The following SEMA3E variants were observed in gnomAD, a reference collection of about 807,000 sequenced individuals.
SEMA3E encodes semaphorin-3E.
In SEMA3E, 49 loss-of-function variants were observed where a neutral mutation model predicts 93.6. The observed-to-expected ratio is 0.52, with a 90% confidence interval of 0.42 to 0.66. The LOEUF is 0.66. Ranked by LOEUF, SEMA3E falls within the 30% of genes least tolerant of loss-of-function variation. SEMA3E has a pLI of 0.00. For missense variants in SEMA3E, 906 were observed against 964.8 expected (o/e 0.94, Z 0.81); for synonymous variants, 363 against 330.7 (o/e 1.10, Z -1.06).
chr7:83,536,620 A>G (rs1791414438), intron 1 of SEMA3E, among the ~76,000 whole-genome samples: 1 of 152,074 alleles, frequency 6.6e-6, no homozygotes, highest in Non-Finnish European at 1.5e-5. Flanking sequence ...TTGTTAAAAA[A>G]CACATCACAA....
At chr7:83,373,717 A>C (rs1004228576) in intron 16 of SEMA3E, among the ~76,000 whole-genome samples, 4 of 152,192 alleles carry the variant, frequency 2.6e-5, no homozygotes, top group African/African-American at 9.6e-5. Flanking sequence ...ACACGATATC[A>C]AAGGAGAAAT....
chr7:83,619,228 T>C (rs1159792748), intron 1 of SEMA3E, among the ~76,000 whole-genome samples: 1 of 151,844 alleles, frequency 6.6e-6, no homozygotes, highest in Non-Finnish European at 1.5e-5. Context: ...CCGGCCATTT[T>C]TCTAACATAC....
intron 4 of SEMA3E, among the ~76,000 whole-genome samples, chr7:83,425,635 T>A (rs1788754761): frequency 6.6e-6 from 1 of 152,216 alleles, no homozygotes; most frequent in Admixed American, 6.5e-5. Flanking sequence ...AGGTAATTAT[T>A]CACATTTTTA....
intron 1 of SEMA3E, among the ~76,000 whole-genome samples, chr7:83,530,174 T>C (rs2535364): frequency 0.85 from 128,695 of 152,084 alleles, 54,707 homozygotes; most frequent in South Asian, 0.95. Flanking sequence ...AGGTTCCTGC[T>C]ACTACTCTAA....
chr7:83,552,069 T>C (rs1791778667), intron 1 of SEMA3E, among the ~76,000 whole-genome samples: 1 of 152,184 alleles, frequency 6.6e-6, no homozygotes. Flanking sequence ...ACCATAGTTC[T>C]GACCCTGAAA....
At chr7:83,593,950 A>C (rs1052570859) in intron 1 of SEMA3E, among the ~76,000 whole-genome samples, 45 of 152,286 alleles carry the variant, frequency 3.0e-4, no homozygotes, top group African/African-American at 1.1e-3. Flanking sequence ...ATAATTGTTA[A>C]ACTATATTCA....
At position 83,408,446 on chromosome 7, in the gene SEMA3E, T is replaced by C. The variant is rs774873670; in HGVS notation, c.592A>G (p.Arg198Gly). ...ATGCTGCGGAAGATCGCAGCGTCTC[T>C]GCTCCAGTAGTCACTGTAGAGTCCA... Reference protein sequence around the residue: ...FAGLYSDYWSRDAAIFRSMGR... With the variant: ...FAGLYSDYWSGDAAIFRSMGR... The change falls in exon 6 of 17, where the codon AGA becomes GGA. Residue 198 changes from arginine to glycine, a missense_variant. By Grantham distance (125) the Arg-to-Gly change is moderately radical (BLOSUM62 -2). Transcript: ENST00000643230. 9 of 1,613,764 alleles carry C rather than the reference T, an allele frequency of 5.6e-6. No individual in the cohort carries two copies. In the South Asian group the frequency reaches 6.6e-5, roughly 12 times the overall value.
chr7:83,514,805 T>C (rs1013903604), intron 1 of SEMA3E, among the ~76,000 whole-genome samples: 12 of 152,084 alleles, frequency 7.9e-5, no homozygotes, highest in African/African-American at 2.4e-4. Context: ...AATGGAAATA[T>C]ATTGCTTTCA....
chr7:83,454,087 T>C (rs1192811226), intron 4 of SEMA3E, among the ~76,000 whole-genome samples: 12 of 150,650 alleles, frequency 8.0e-5, no homozygotes, highest in Admixed American at 3.3e-4. Flanking sequence ...TGAAAACCCG[T>C]CTCTACTAAA....
chr7:83,441,035 G>A (rs1457371366), intron 4 of SEMA3E, among the ~76,000 whole-genome samples: 1 of 152,034 alleles, frequency 6.6e-6, no homozygotes, highest in Non-Finnish European at 1.5e-5. Flanking sequence ...CTTACTGGAT[G>A]GCAAGATTAA....
intron 4 of SEMA3E, among the ~76,000 whole-genome samples, chr7:83,462,618 A>C (rs1789651692): frequency 6.6e-6 from 1 of 151,638 alleles, no homozygotes; most frequent in African/African-American, 2.4e-5. Context: ...ATCTCATTAA[A>C]ACCTAATCAC....
At chr7:83,640,013 T>A (rs566425686) in intron 1 of SEMA3E, among the ~76,000 whole-genome samples, 2 of 151,958 alleles carry the variant, frequency 1.3e-5, no homozygotes, top group Admixed American at 6.5e-5. Context: ...ATGCTGAGAG[T>A]ACATTTCCTA....
intron 4 of SEMA3E, among the ~76,000 whole-genome samples, chr7:83,457,328 T>C (rs1387190329): frequency 6.6e-6 from 1 of 152,254 alleles, no homozygotes; most frequent in East Asian, 1.9e-4. Context: ...AGCTCCAGAT[T>C]CATTCTTTCA....
chr7:83,590,427 G>A lies in SEMA3E; in HGVS notation c.115+58001C>T, dbSNP rs57549112. Reference sequence around the variant, plus strand: ...GGAAATATTAGGTTGCCTAAAGCAAGGCATTGCCCTGTCCTTTCTTGATGA... The same window carrying A: ...GGAAATATTAGGTTGCCTAAAGCAAAGCATTGCCCTGTCCTTTCTTGATGA... On this transcript the variant is annotated intron_variant, in intron 1 of 16. Coordinates refer to ENST00000643230, the MANE Select transcript of SEMA3E (RefSeq NM_012431.3). Among the ~76,000 whole-genome samples the A allele has an allele frequency of 7.0e-3, 1,065 of 152,236 alleles. 15 individuals carry two copies. The highest frequency in any genetic ancestry group is 0.024 in the African/African-American group (1,005 of 41,552).
At position 83,447,486 on chromosome 7, in the gene SEMA3E, C is replaced by T. The variant is rs947612651; in HGVS notation, c.456+18996G>A. 4.6e-5 allele frequency among the ~76,000 whole-genome samples: 7 copies of T among 152,020 alleles called. No homozygotes were observed. The South Asian group carries it at 1.0e-3, about 22-fold the overall frequency. ...CCAGGAGGTGGAGGATGCAGTGAGC[C>T]GAGATCATGCCACTGCACTCCAGCC... On this transcript the variant is annotated intron_variant, in intron 4 of 16. Transcript: ENST00000643230.
Position 83,633,730 on chromosome 7 carries a change from G to A in SEMA3E, c.115+14698C>T, listed in dbSNP as rs1227667534. 2.6e-5 allele frequency among the ~76,000 whole-genome samples: 4 copies of A among 152,074 alleles called. No homozygotes were observed. In the East Asian group the frequency reaches 7.7e-4, roughly 29 times the overall value. ...AGTATGGGAGAGAGTGTGGGCAACC[G>A]GCTGCAGTAGCAGCTGGGCCTATTT... On this transcript the variant is annotated intron_variant, in intron 1 of 16. Transcript: ENST00000643230.
At chr7:83,438,048 A>G (rs1789039967) in intron 4 of SEMA3E, among the ~76,000 whole-genome samples, 1 of 152,194 alleles carries the variant, frequency 6.6e-6, no homozygotes, top group African/African-American at 2.4e-5. Context: ...TTATAATTAA[A>G]TATCGAGTTC....
chr7:83,374,008 A>T (rs911790799), intron 16 of SEMA3E, among the ~76,000 whole-genome samples: 1 of 152,016 alleles, frequency 6.6e-6, no homozygotes, highest in East Asian at 1.9e-4. Flanking sequence ...GGAGTTCGAG[A>T]CCAGCATGAC....
chr7:83,462,158 GC>G (rs2115862242), intron 4 of SEMA3E: 1 of 152,330 alleles, frequency 6.6e-6, no homozygotes, highest in African/African-American at 2.4e-5. Context: ...CACCTCGGAA[GC>G]CCCCTAGACC....
Sources: allele counts gnomAD v4.1 joint callset (sites outside exome capture counted in the v4.1 genomes callset), GRCh38; gene constraint gnomAD v4.1.1; transcripts MANE v1.5; gene names NCBI Gene and HGNC (gene_info 2026-07-23, HGNC 2026-07-21).